SCHIP1: variants seen among roughly 807,000 people sequenced by gnomAD.
The protein encoded by SCHIP1 is schwannomin-interacting protein 1.
SCHIP1 carries 8 observed loss-of-function variants against 29.7 expected under a neutral mutation model. The observed-to-expected ratio is 0.27, with a 90% confidence interval of 0.16 to 0.49. The LOEUF is 0.49. SCHIP1 is among the 20% of genes least tolerant of loss of function. SCHIP1 has a pLI of 0.99. For missense variants in SCHIP1, 193 were observed against 294.6 expected, an observed-to-expected ratio of 0.66 and a Z score of 2.52; for synonymous variants, 76 against 94.9, an observed-to-expected ratio of 0.80 and a Z score of 1.16.
chr3:159,459,539 C>A, the SCHIP1 span, among the ~76,000 whole-genome samples: 1 of 135,890 alleles, frequency 7.4e-6, no homozygotes, highest in Non-Finnish European at 1.5e-5. Context: ...TATTATAGTA[C>A]CCTGTGAAAA....
At chr3:159,445,071 C>CAAAATGGGAGA in the SCHIP1 span, among the ~76,000 whole-genome samples, 5 of 151,966 alleles carry the variant, frequency 3.3e-5, no homozygotes, top group Non-Finnish European at 5.9e-5. Flanking sequence ...AAAGGAACTA[C>CAAAATGGGAGA]CATCAGAGTG....
chr3:159,542,394 T>C, the SCHIP1 span, among the ~76,000 whole-genome samples: 1 of 152,116 alleles, frequency 6.6e-6, no homozygotes, highest in Non-Finnish European at 1.5e-5. Flanking sequence ...CAGTAATGAC[T>C]GATATGCGTT....
the SCHIP1 span, among the ~76,000 whole-genome samples, chr3:159,544,044 A>G: frequency 1.3e-5 from 2 of 152,202 alleles, 1 homozygote. Context: ...AAGAAGCTCT[A>G]CCAGGTCACT....
At chr3:159,397,572 A>AC in the SCHIP1 span, among the ~76,000 whole-genome samples, 60 of 152,092 alleles carry the variant, frequency 3.9e-4, no homozygotes, top group African/African-American at 1.4e-3. Flanking sequence ...CTGTTGGAGT[A>AC]CCCTGCTGTG....
the SCHIP1 span, among the ~76,000 whole-genome samples, chr3:159,668,678 T>C: frequency 5.3e-5 from 8 of 152,122 alleles, no homozygotes; most frequent in Non-Finnish European, 1.2e-4. Context: ...TCCCATCAGC[T>C]GGAAAGAGCT....
the SCHIP1 span, among the ~76,000 whole-genome samples, chr3:159,811,997 A>T: frequency 1.5e-5 from 2 of 136,868 alleles, no homozygotes; most frequent in Non-Finnish European, 3.1e-5. Context: ...TTTTTGGCAG[A>T]GTCTTGCTCT....
chr3:159,567,009 T>G, the SCHIP1 span, among the ~76,000 whole-genome samples: 1 of 152,226 alleles, frequency 6.6e-6, no homozygotes, highest in African/African-American at 2.4e-5. Context: ...TTTTAAATTT[T>G]TGGACATCTG....
chr3:159,372,586 T>C, the SCHIP1 span, among the ~76,000 whole-genome samples: 1 of 152,126 alleles, frequency 6.6e-6, no homozygotes, highest in African/African-American at 2.4e-5. Context: ...AATTGCATTT[T>C]GATTTCAGTA....
At chr3:159,822,346 T>C in the SCHIP1 span, among the ~76,000 whole-genome samples, 1 of 151,946 alleles carries the variant, frequency 6.6e-6, no homozygotes, top group African/African-American at 2.4e-5. Context: ...TGGTGAAAAG[T>C]GGACAGTATA....
At chr3:159,418,883 C>T in the SCHIP1 span, among the ~76,000 whole-genome samples, 4 of 152,196 alleles carry the variant, frequency 2.6e-5, no homozygotes, top group Non-Finnish European at 5.9e-5. Flanking sequence ...ATGAAAAGAA[C>T]GAAGGCTTTG....
the SCHIP1 span, among the ~76,000 whole-genome samples, chr3:159,767,136 A>AT: frequency 3.3e-5 from 5 of 152,068 alleles, no homozygotes; most frequent in Non-Finnish European, 2.9e-5. Context: ...TTAATGGTGG[A>AT]TTTTTTCATG....
At chr3:159,892,247 A>G in intron 6 of SCHIP1, 57 bp downstream of exon 7, 1 of 1,599,890 alleles carries the variant, frequency 6.3e-7, no homozygotes, top group Non-Finnish European at 8.5e-7. Context: ...CTGAAATCTA[A>G]GAATTAGGCA....
the SCHIP1 span, among the ~76,000 whole-genome samples, chr3:159,652,113 A>G: frequency 1.3e-5 from 2 of 152,104 alleles, no homozygotes; most frequent in East Asian, 3.9e-4. Context: ...CAAAAAAAAA[A>G]AAATTGCTAC....
At chr3:159,487,891 T>A in the SCHIP1 span, among the ~76,000 whole-genome samples, 1 of 152,246 alleles carries the variant, frequency 6.6e-6, no homozygotes, top group Non-Finnish European at 1.5e-5. Flanking sequence ...TTACAGATGC[T>A]ATTTATGATA....
At chr3:159,553,358 G>T in the SCHIP1 span, among the ~76,000 whole-genome samples, 1 of 151,558 alleles carries the variant, frequency 6.6e-6, no homozygotes, top group Non-Finnish European at 1.5e-5. Flanking sequence ...AATTTTTCAA[G>T]CAAAGGTTTT....
At position 159,883,364 on chromosome 3, in the gene SCHIP1, G is replaced by A. The variant is rs547991445; in HGVS notation, c.150-2843G>A. 2.0e-4 allele frequency among the ~76,000 whole-genome samples: 30 copies of A among 152,140 alleles called. No homozygotes were observed. In the South Asian group the frequency reaches 6.0e-3, roughly 31 times the overall value. ...GCAGCCAGATGCACTGCAGTGTGAGGGACAGAGGCCCGGGGAACTGTGGTT... is the reference window on the plus strand; with the variant it reads ...GCAGCCAGATGCACTGCAGTGTGAGAGACAGAGGCCCGGGGAACTGTGGTT... On this transcript the variant is annotated intron_variant, in intron 2 of 6. Transcript: ENST00000445224.
the SCHIP1 span, among the ~76,000 whole-genome samples, chr3:159,341,730 C>A: frequency 6.6e-6 from 1 of 152,054 alleles, no homozygotes; most frequent in African/African-American, 2.4e-5. Flanking sequence ...TTTATTTAAA[C>A]TTTTTGCTTG....
At chr3:159,786,165 C>T in the SCHIP1 span, among the ~76,000 whole-genome samples, 4 of 152,192 alleles carry the variant, frequency 2.6e-5, no homozygotes, top group African/African-American at 9.7e-5. Context: ...ACTTACTCAA[C>T]AGCTGTTTGT....
the SCHIP1 span, among the ~76,000 whole-genome samples, chr3:159,332,186 A>T: frequency 6.6e-6 from 1 of 152,226 alleles, no homozygotes; most frequent in Non-Finnish European, 1.5e-5. Flanking sequence ...TTAATGTCAA[A>T]TTTTTAGCAC....
Sources: allele counts gnomAD v4.1 joint callset (sites outside exome capture counted in the v4.1 genomes callset), GRCh38; gene constraint gnomAD v4.1.1; transcripts MANE v1.5; gene names NCBI Gene and HGNC (gene_info 2026-07-23, HGNC 2026-07-21).